Variants in PTPRK observed in about 807,000 individuals in gnomAD.
The protein encoded by PTPRK is receptor-type tyrosine-protein phosphatase kappa.
PTPRK carries 75 observed loss-of-function variants against 178.0 expected under a neutral mutation model. That is an observed-to-expected ratio of 0.42 (90% CI 0.35 to 0.51). The LOEUF is 0.51. PTPRK is among the 20% of genes least tolerant of loss of function. The pLI is 0.02. For synonymous variants in PTPRK, 637 were observed against 620.6 expected, an observed-to-expected ratio of 1.03 and a Z score of -0.39; for missense variants, 1,441 against 1,797.8, an observed-to-expected ratio of 0.80 and a Z score of 3.59.
chr6:128,162,637 A>T (rs565145711), intron 7 of PTPRK, among the ~76,000 whole-genome samples: 1 of 151,952 alleles, frequency 6.6e-6, no homozygotes, highest in South Asian at 2.1e-4. Context: ...AATGAAAGAA[A>T]GAGCAGACAT....
In PTPRK at chr6:128,519,081, C is replaced by T. The variant is rs539823691; in HGVS notation, c.100+1178G>A. The T allele has an allele frequency of 3.6e-5, 19 of 532,606 alleles. No homozygotes were observed. The highest frequency in any genetic ancestry group is 2.7e-4 in the South Asian group (19 of 71,216). The allele number at this position is 532,606 out of a possible 1,614,324, so 33.0% of individuals were successfully genotyped here. ...GTCTTCTCCATCACCCTCTGGCCAC[C>T]ACTGCGTCTCCATCTGCACCGCGAA... On this transcript the variant is annotated intron_variant, in intron 1 of 29. Transcript: ENST00000368226. This position sits in a 1 kb window ranked among gnomAD's most constrained non-coding sequence, Gnocchi z 4.3.
chr6:128,366,910 C>G (rs1835573187), intron 2 of PTPRK, among the ~76,000 whole-genome samples: 1 of 152,138 alleles, frequency 6.6e-6, no homozygotes, highest in Non-Finnish European at 1.5e-5. Flanking sequence ...CTACCTCTCA[C>G]AGTATTAGCT....
chr6:128,138,222 G>A (rs1795287528), intron 7 of PTPRK, among the ~76,000 whole-genome samples: 1 of 152,078 alleles, frequency 6.6e-6, no homozygotes, highest in African/African-American at 2.4e-5. Flanking sequence ...AAATACTGGA[G>A]AATGGTCAGA....
At chr6:128,291,133 G>A (rs909858242) in intron 3 of PTPRK, among the ~76,000 whole-genome samples, 4 of 152,002 alleles carry the variant, frequency 2.6e-5, no homozygotes, top group Non-Finnish European at 5.9e-5. Flanking sequence ...GTAATCATAA[G>A]AGTCTTTAAA....
chr6:128,140,417 A>G (rs911641738), intron 7 of PTPRK, among the ~76,000 whole-genome samples: 5 of 152,040 alleles, frequency 3.3e-5, no homozygotes, highest in African/African-American at 1.2e-4. Context: ...CAAATATCTC[A>G]TAATAAATGT....
intron 3 of PTPRK, among the ~76,000 whole-genome samples, chr6:128,252,053 G>C (rs1816551531): frequency 6.6e-6 from 1 of 152,090 alleles, no homozygotes; most frequent in Admixed American, 6.6e-5. Context: ...GCAGTGTCCA[G>C]GTAACTGTAA....
chr6:128,278,461 T>G (rs1185427830), intron 3 of PTPRK, among the ~76,000 whole-genome samples: 1 of 152,126 alleles, frequency 6.6e-6, no homozygotes, highest in Non-Finnish European at 1.5e-5. Context: ...TGGCCAGGTC[T>G]TAATATGTCT....
intron 7 of PTPRK, among the ~76,000 whole-genome samples, chr6:128,161,786 C>G (rs752810657): frequency 6.6e-6 from 1 of 151,430 alleles, no homozygotes; most frequent in Non-Finnish European, 1.5e-5. Context: ...TTTTCTAACC[C>G]TCATAAACTT....
At chr6:128,040,621 C>T (rs1777009001) in intron 13 of PTPRK, among the ~76,000 whole-genome samples, 1 of 152,024 alleles carries the variant, frequency 6.6e-6, no homozygotes, top group Non-Finnish European at 1.5e-5. Flanking sequence ...GAAAGAGTAA[C>T]ATTGTTAACG....
chr6:128,031,639 TA>T (rs1201847752), intron 13 of PTPRK, among the ~76,000 whole-genome samples: 5 of 152,176 alleles, frequency 3.3e-5, no homozygotes, highest in South Asian at 2.1e-4. Flanking sequence ...CAAATCAATT[TA>T]AAAAAAATCA....
chr6:128,502,162 A>C (rs1356889956), intron 1 of PTPRK, among the ~76,000 whole-genome samples: 1 of 152,224 alleles, frequency 6.6e-6, no homozygotes, highest in African/African-American at 2.4e-5. Context: ...AAAAATGTCC[A>C]TAGTTCAAAG....
chr6:128,468,370 C>A (rs1043189769), intron 1 of PTPRK, among the ~76,000 whole-genome samples: 2 of 152,084 alleles, frequency 1.3e-5, no homozygotes, highest in Non-Finnish European at 2.9e-5. Context: ...TCCTGAATTT[C>A]AAGTTTTTAG....
At chr6:128,157,981 T>C (rs1242360243) in intron 7 of PTPRK, among the ~76,000 whole-genome samples, 1 of 152,058 alleles carries the variant, frequency 6.6e-6, no homozygotes, top group African/African-American at 2.4e-5. Context: ...TTGCCATTGC[T>C]TTTGGTGTTT....
Position 128,209,267 on chromosome 6 carries a change from T to G in PTPRK, c.868+9655A>C, listed in dbSNP as rs560845632. 2.4e-4 allele frequency among the ~76,000 whole-genome samples: 36 copies of G among 152,144 alleles called. 1 individual carries two copies. In the South Asian group the frequency reaches 7.5e-3, roughly 32 times the overall value. On this transcript the variant is annotated intron_variant, in intron 6 of 29. Coordinates refer to ENST00000368226, the MANE Select transcript of PTPRK (RefSeq NM_002844.4). ...TCCCAAATTAAATAACACAATGCAT[T>G]TATATTTCTTAGTCTGGCACTCAAA...
At chr6:128,397,464 CTTA>C in intron 2 of PTPRK, 99 bp downstream of exon 2, 1 of 1,400,278 alleles carries the variant, frequency 7.1e-7, no homozygotes, top group Non-Finnish European at 9.9e-7. Context: ...AATAATTTAG[CTTA>C]TTATAACCAT....
intron 6 of PTPRK, among the ~76,000 whole-genome samples, chr6:128,214,700 A>G (rs951964455): frequency 1.3e-5 from 2 of 152,100 alleles, no homozygotes; most frequent in African/African-American, 4.8e-5. Context: ...ATCATAGACT[A>G]CAAAGTGAAG....
At chr6:128,076,052 T>G (rs966942836) in intron 11 of PTPRK, among the ~76,000 whole-genome samples, 4 of 151,834 alleles carry the variant, frequency 2.6e-5, no homozygotes, top group Non-Finnish European at 4.4e-5. Context: ...CAGAGTAGAA[T>G]AGCATCAAGC....
Position 127,996,935 on chromosome 6 carries a change from A to G in PTPRK, c.2733T>C (p.Asn911=). Residue 911 remains asparagine, a synonymous_variant, in exon 17 of 30, where the codon AAT becomes AAC. Transcript: ENST00000368226. ...TGTTTCCATATCGGTTTTTTGCTCT[A>G]TTTTGATCTTTTTTAGCTACATCCC... ...ASWDVAKKDQ[N]RAKNRYGNII... 1.2e-6 allele frequency: 2 copies of G among 1,611,710 alleles called. No individual in the cohort carries two copies. The highest frequency in any genetic ancestry group is 1.7e-6 in the Non-Finnish European group (2 of 1,178,738).
intron 2 of PTPRK, among the ~76,000 whole-genome samples, chr6:128,353,549 T>A (rs1051493263): frequency 6.6e-6 from 1 of 152,202 alleles, no homozygotes; most frequent in Non-Finnish European, 1.5e-5. Flanking sequence ...TATGCACAAC[T>A]TGCATGGATC....
Sources: gnomAD v4.1 joint callset for allele counts (sites outside exome capture counted in the v4.1 genomes callset) on GRCh38, gnomAD v4.1.1 for gene constraint, Gnocchi (gnomAD v3.1) non-coding constraint, MANE v1.5 for transcripts, NCBI Gene and HGNC (gene_info 2026-07-23, HGNC 2026-07-21) for gene names.